The following PCSK5 variants were observed in gnomAD, a reference collection of about 807,000 sequenced individuals.
PCSK5 encodes prohormone convertase 5.
Under a neutral mutation model 233.2 loss-of-function variants are expected in PCSK5, and 129 were observed. The observed-to-expected ratio is 0.55, with a 90% CI of 0.48 to 0.64. PCSK5 has a LOEUF of 0.64. Ranked by LOEUF, PCSK5 falls within the 30% of genes least tolerant of loss-of-function variation. PCSK5 has a pLI of 0.00. For synonymous variants in PCSK5, 825 were observed against 879.2 expected (o/e 0.94, Z 1.09); for missense variants, 2,076 against 2,430.1 (o/e 0.85, Z 3.06).
At chr9:75,938,387 G>T (rs1406232809) in intron 2 of PCSK5, among the ~76,000 whole-genome samples, 2 of 152,198 alleles carry the variant, frequency 1.3e-5, no homozygotes, top group Non-Finnish European at 2.9e-5. Flanking sequence ...TCATATGGGT[G>T]AGGTTTGTGG....
chr9:75,899,639 G>A, intron 1 of PCSK5, among the ~76,000 whole-genome samples: 1 of 152,086 alleles, frequency 6.6e-6, no homozygotes, highest in Admixed American at 6.6e-5. Context: ...CATTCTTTTT[G>A]TTAGAAGATA....
intron 3 of PCSK5, among the ~76,000 whole-genome samples, chr9:76,003,831 C>T (rs961825702): frequency 1.3e-5 from 2 of 151,684 alleles, no homozygotes; most frequent in South Asian, 2.1e-4. Context: ...TTTTTAGAGA[C>T]AAGGTCTCAC....
chr9:75,910,040 C>T (rs145844872), intron 1 of PCSK5, among the ~76,000 whole-genome samples: 70 of 152,300 alleles, frequency 4.6e-4, no homozygotes, highest in African/African-American at 1.6e-3. Context: ...ATGAGCAGCA[C>T]TCCCAGCCCA....
chr9:75,936,690 C>A (rs886340776), intron 2 of PCSK5, among the ~76,000 whole-genome samples: 1 of 152,182 alleles, frequency 6.6e-6, no homozygotes, highest in Non-Finnish European at 1.5e-5. Context: ...GTCTTGCATT[C>A]CTCAAAGTCA....
intron 1 of PCSK5, among the ~76,000 whole-genome samples, chr9:75,910,515 A>G (rs1822677468): frequency 6.6e-6 from 1 of 151,684 alleles, no homozygotes; most frequent in African/African-American, 2.4e-5. Context: ...TTTGCATGAA[A>G]CTTATTCTAT....
At chr9:76,103,874 G>A (rs1402531005) in intron 8 of PCSK5, among the ~76,000 whole-genome samples, 1 of 152,140 alleles carries the variant, frequency 6.6e-6, no homozygotes, top group Non-Finnish European at 1.5e-5. Flanking sequence ...GGGGGATTTG[G>A]AGCATGCAAG....
At chr9:76,021,633 A>G (rs1828195089) in intron 3 of PCSK5, among the ~76,000 whole-genome samples, 1 of 152,154 alleles carries the variant, frequency 6.6e-6, no homozygotes, top group Non-Finnish European at 1.5e-5. Context: ...GTCTGTCATA[A>G]AAACATGGGT....
intron 5 of PCSK5, 61 bp from the exon 6 acceptor site, chr9:76,067,894 C>T (rs184386332): frequency 3.3e-5 from 43 of 1,286,176 alleles, no homozygotes; most frequent in African/African-American, 1.2e-4. Context: ...GTGGCAGTGA[C>T]GCGTTGGCTT....
At chr9:76,325,148 C>T (rs547485438) in intron 32 of PCSK5, among the ~76,000 whole-genome samples, 2 of 152,014 alleles carry the variant, frequency 1.3e-5, no homozygotes, top group Admixed American at 6.6e-5. Flanking sequence ...GCAGAAGAGG[C>T]GGGTGTTCGT....
chr9:76,339,193 T>C (rs971215558), intron 35 of PCSK5, among the ~76,000 whole-genome samples: 19 of 152,254 alleles, frequency 1.2e-4, no homozygotes, highest in Non-Finnish European at 1.3e-4. Flanking sequence ...TTGCCATAAA[T>C]ATATGAGCAC....
At chr9:76,197,833 T>C (rs1303417622) in intron 20 of PCSK5, among the ~76,000 whole-genome samples, 2 of 152,202 alleles carry the variant, frequency 1.3e-5, no homozygotes, top group Admixed American at 1.3e-4. Flanking sequence ...TTCTCTTCTC[T>C]GGTGAACATC....
chr9:76,027,845 T>C (rs148411068), intron 5 of PCSK5, among the ~76,000 whole-genome samples: 1,884 of 152,292 alleles, frequency 0.012, 23 homozygotes, highest in Non-Finnish European at 0.017. Context: ...ATACTTTCAT[T>C]TGAATTTTTA....
chr9:76,346,459 C>A (rs1829984079), intron 35 of PCSK5, among the ~76,000 whole-genome samples: 1 of 152,166 alleles, frequency 6.6e-6, no homozygotes, highest in African/African-American at 2.4e-5. Flanking sequence ...CTGAAGCTGT[C>A]CTGAGTGTTT....
chr9:76,203,744 G>C (rs1825004250), intron 20 of PCSK5, among the ~76,000 whole-genome samples: 1 of 152,142 alleles, frequency 6.6e-6, no homozygotes, highest in Non-Finnish European at 1.5e-5. Flanking sequence ...ACTTGTGATG[G>C]CAGCAGTGGA....
chr9:76,320,327 G>A (rs1829155394), intron 30 of PCSK5, among the ~76,000 whole-genome samples: 2 of 151,398 alleles, frequency 1.3e-5, no homozygotes, highest in Non-Finnish European at 2.9e-5. Context: ...CTACTCAGGA[G>A]GCTGAGGCAG....
In PCSK5 at chr9:76,182,688, G is replaced by A. The variant is rs1022611815; in HGVS notation, c.2197+1097G>A. Among the ~76,000 whole-genome samples, 6 of 152,248 alleles carry A rather than the reference G, an allele frequency of 3.9e-5. No homozygotes were observed. In the South Asian group the frequency reaches 1.0e-3, roughly 26 times the overall value. Reference sequence around the variant, plus strand: ...TCTTAAGGTAGACCTATTAGACAGTGCTCTAGTGTGGCTCTGAAAAGGACT... The same window carrying A: ...TCTTAAGGTAGACCTATTAGACAGTACTCTAGTGTGGCTCTGAAAAGGACT... On this transcript the variant is annotated intron_variant, in intron 16 of 37. Transcript: ENST00000674117.
intron 2 of PCSK5, among the ~76,000 whole-genome samples, chr9:75,934,580 T>G (rs983907294): frequency 2.0e-5 from 3 of 151,906 alleles, no homozygotes; most frequent in Non-Finnish European, 2.9e-5. Flanking sequence ...TTTTTGTTTT[T>G]TTTTTTAAAT....
chr9:76,023,586 G>A, intron 3 of PCSK5, 152 bp from the exon 4 acceptor site: 1 of 592,540 alleles, frequency 1.7e-6, no homozygotes, highest in Non-Finnish European at 2.8e-6. Flanking sequence ...GATCCCATAA[G>A]CCCAGGAGTT....
At chr9:76,211,696 C>T (rs1054033519) in intron 20 of PCSK5, among the ~76,000 whole-genome samples, 2 of 152,150 alleles carry the variant, frequency 1.3e-5, no homozygotes, top group African/African-American at 4.8e-5. Flanking sequence ...AAAAATAAAA[C>T]AATTAGTCAG....
Sources: allele counts gnomAD v4.1 joint callset (sites outside exome capture counted in the v4.1 genomes callset), GRCh38; gene constraint gnomAD v4.1.1; transcripts MANE v1.5; gene names NCBI Gene and HGNC (gene_info 2026-07-23, HGNC 2026-07-21).